The following TBC1D5 variants were observed in gnomAD, a reference collection of about 807,000 sequenced individuals.
TBC1D5 encodes TBC1 domain family, member 5.
Under a neutral mutation model 100.3 loss-of-function variants are expected in TBC1D5, and 75 were observed. That is an observed-to-expected ratio of 0.75 (90% CI 0.62 to 0.91). The LOEUF (loss-of-function observed/expected upper bound fraction) is 0.91. Among genes scored for constraint, TBC1D5 ranks in the 40% least tolerant of loss-of-function variants. TBC1D5 has a pLI of 0.00. For missense variants in TBC1D5, 910 were observed against 942.4 expected, an observed-to-expected ratio of 0.97 and a Z score of 0.45; for synonymous variants, 323 against 325.6, an observed-to-expected ratio of 0.99 and a Z score of 0.09.
At chr3:17,330,527 T>G (rs1035713494) in intron 13 of TBC1D5, among the ~76,000 whole-genome samples, 10 of 152,094 alleles carry the variant, frequency 6.6e-5, no homozygotes, top group African/African-American at 2.4e-4. Context: ...ACCATCATTC[T>G]CAACACGTGG....
intron 3 of TBC1D5, among the ~76,000 whole-genome samples, chr3:17,430,851 T>C (rs1258061064): frequency 6.6e-6 from 1 of 151,960 alleles, no homozygotes; most frequent in Middle Eastern, 3.2e-3. Context: ...TACAATGTGC[T>C]ACATCCTGTA....
upstream of TBC1D5, chr3:17,742,595 G>A (rs1387014323): frequency 6.6e-6 from 1 of 152,296 alleles, no homozygotes; most frequent in African/African-American, 2.4e-5. Context: ...GCCGGGCCCG[G>A]CCCGACCTGA....
chr3:17,508,088 T>C (rs1423631874), intron 3 of TBC1D5, among the ~76,000 whole-genome samples: 1 of 151,210 alleles, frequency 6.6e-6, no homozygotes, highest in Non-Finnish European at 1.5e-5. Flanking sequence ...TCTTTTATCC[T>C]GGAATAATCT....
chr3:17,272,282 A>C (rs1305768711), intron 15 of TBC1D5, among the ~76,000 whole-genome samples: 3 of 152,102 alleles, frequency 2.0e-5, no homozygotes, highest in African/African-American at 7.3e-5. Flanking sequence ...TTTTTTAAAA[A>C]TCAACAAATG....
exon 22 of TBC1D5, chr3:17,161,012 T>A: frequency 6.2e-7 from 1 of 1,614,220 alleles, no homozygotes; most frequent in Non-Finnish European, 8.5e-7. Context: ...CTTGCTGCTG[T>A]CGTCATCAGG....
chr3:17,546,664 G>T (rs968333218), intron 2 of TBC1D5, among the ~76,000 whole-genome samples: 1 of 151,372 alleles, frequency 6.6e-6, no homozygotes, highest in African/African-American at 2.4e-5. Context: ...AGCTACTTAG[G>T]AGACTGAGAC....
intron 19 of TBC1D5, among the ~76,000 whole-genome samples, chr3:17,169,390 T>C (rs1444914818): frequency 6.6e-6 from 1 of 152,208 alleles, no homozygotes; most frequent in Admixed American, 6.5e-5. Context: ...CCAAAAAGTA[T>C]TTCCAGTAAG....
At chr3:17,439,366 ATAT>A (rs1214014096) in intron 3 of TBC1D5, among the ~76,000 whole-genome samples, 2 of 152,250 alleles carry the variant, frequency 1.3e-5, no homozygotes, top group African/African-American at 4.8e-5. Flanking sequence ...GAACAAGTTC[ATAT>A]AACAAACATC....
intron 1 of TBC1D5, among the ~76,000 whole-genome samples, chr3:17,736,902 A>T (rs1289816597): frequency 1.3e-5 from 2 of 152,090 alleles, no homozygotes; most frequent in Admixed American, 6.5e-5. Context: ...AGTCCCAGCC[A>T]CTCAGGAGGC....
intron 3 of TBC1D5, among the ~76,000 whole-genome samples, chr3:17,444,749 T>C (rs574284201): frequency 2.6e-4 from 40 of 152,242 alleles, no homozygotes; most frequent in African/African-American, 8.9e-4. Flanking sequence ...AATTCTTCCA[T>C]TGTTAGTATT....
intron 2 of TBC1D5, among the ~76,000 whole-genome samples, chr3:17,511,258 T>C (rs1009862877): frequency 6.6e-6 from 1 of 152,082 alleles, no homozygotes; most frequent in African/African-American, 2.4e-5. Flanking sequence ...GTAAGATTTA[T>C]ATTCTTCATA....
chr3:17,294,342 C>G (rs998990851), intron 14 of TBC1D5, among the ~76,000 whole-genome samples: 1 of 152,162 alleles, frequency 6.6e-6, no homozygotes, highest in Non-Finnish European at 1.5e-5. Flanking sequence ...GCCCCAGCCT[C>G]TGGAGTAGCT....
intron 3 of TBC1D5, among the ~76,000 whole-genome samples, chr3:17,442,359 GA>G (rs2094682839): frequency 6.6e-6 from 1 of 152,174 alleles, no homozygotes; most frequent in Non-Finnish European, 1.5e-5. Context: ...CTTTTGATAA[GA>G]AAACTGCAGA....
chr3:17,401,374 C>T (rs891336486), intron 8 of TBC1D5, among the ~76,000 whole-genome samples: 2 of 142,988 alleles, frequency 1.4e-5, no homozygotes, highest in Admixed American at 7.0e-5. Flanking sequence ...GTATAATATA[C>T]ATATGTATAT....
chr3:17,713,244 C>CTTTTT (rs770932378), intron 1 of TBC1D5, among the ~76,000 whole-genome samples: 19 of 139,814 alleles, frequency 1.4e-4, no homozygotes, highest in East Asian at 2.1e-4. Context: ...CTTTTCTTTT[C>CTTTTT]TTTTTTTTTT....
intron 21 of TBC1D5, among the ~76,000 whole-genome samples, chr3:17,162,324 C>G (rs1275945842): frequency 6.6e-6 from 1 of 152,270 alleles, no homozygotes; most frequent in East Asian, 1.9e-4. Flanking sequence ...CATCTGTGCA[C>G]TGTGTGCAGA....
intron 16 of TBC1D5, among the ~76,000 whole-genome samples, chr3:17,247,811 A>C (rs1468657435): frequency 6.6e-6 from 1 of 152,198 alleles, no homozygotes; most frequent in Non-Finnish European, 1.5e-5. Context: ...TAATGTTCAT[A>C]GCATATTTAC....
At chr3:17,252,896 A>G (rs2596643) in intron 16 of TBC1D5, among the ~76,000 whole-genome samples, 71,985 of 152,072 alleles carry the variant, frequency 0.47, 17,522 homozygotes, top group African/African-American at 0.56. Context: ...ATACTTGTTC[A>G]CTTCAATTGT....
At chr3:17,221,453 A>T (rs774488496) in intron 17 of TBC1D5, among the ~76,000 whole-genome samples, 1 of 152,072 alleles carries the variant, frequency 6.6e-6, no homozygotes, top group Non-Finnish European at 1.5e-5. Flanking sequence ...ACCCCACAAC[A>T]GTCCCCAGTG....
Sources: gnomAD v4.1 joint callset for allele counts (sites outside exome capture counted in the v4.1 genomes callset) on GRCh38, gnomAD v4.1.1 for gene constraint, MANE v1.5 for transcripts, NCBI Gene and HGNC (gene_info 2026-07-23, HGNC 2026-07-21) for gene names.